Variants in THSD7B observed in about 807,000 individuals in gnomAD.
THSD7B encodes thrombospondin type-1 domain-containing protein 7B.
In THSD7B, 138 loss-of-function variants were observed where a neutral mutation model predicts 213.6. That is an observed-to-expected ratio of 0.65 (90% CI 0.56 to 0.74). The LOEUF is 0.74. THSD7B is among the 30% of genes least tolerant of loss of function. The probability of loss-of-function intolerance (pLI) is 0.00; values close to 1 mark genes in which losing one functional copy is unlikely to be tolerated. For missense variants in THSD7B, 1,931 were observed against 1,991.5 expected (o/e 0.97, Z 0.58); for synonymous variants, 742 against 687.0 (o/e 1.08, Z -1.25).
chr2:137,101,681 T>G (rs2104925395), intron 4 of THSD7B, among the ~76,000 whole-genome samples: 1 of 152,266 alleles, frequency 6.6e-6, no homozygotes, highest in East Asian at 1.9e-4. Flanking sequence ...GAAGTCGACC[T>G]GGGATGCTCA....
chr2:137,485,459 G>A (rs1178795176), intron 15 of THSD7B, among the ~76,000 whole-genome samples: 1 of 152,152 alleles, frequency 6.6e-6, no homozygotes, highest in African/African-American at 2.4e-5. Context: ...GTATCATGAT[G>A]CCTCCAGCTT....
intron 16 of THSD7B, among the ~76,000 whole-genome samples, chr2:137,571,529 T>C (rs557001901): frequency 7.9e-5 from 12 of 152,198 alleles, no homozygotes; most frequent in Non-Finnish European, 1.6e-4. Context: ...AAACAGATTA[T>C]GCTCCCACCA....
chr2:136,962,930 T>C (rs1470612903), intron 2 of THSD7B, among the ~76,000 whole-genome samples: 1 of 152,234 alleles, frequency 6.6e-6, no homozygotes, highest in Non-Finnish European at 1.5e-5. Flanking sequence ...GATTTTAGAA[T>C]ACTTGTGTTT....
intron 10 of THSD7B, among the ~76,000 whole-genome samples, chr2:137,246,530 C>T (rs1326762044): frequency 6.6e-6 from 1 of 152,132 alleles, no homozygotes; most frequent in Non-Finnish European, 1.5e-5. Context: ...TTTGTCCCGG[C>T]TTGATTCAAG....
At chr2:136,841,381 G>A (rs1308255862) in intron 1 of THSD7B, among the ~76,000 whole-genome samples, 2 of 151,892 alleles carry the variant, frequency 1.3e-5, no homozygotes, top group African/African-American at 4.8e-5. Context: ...GGATCACAAT[G>A]TCAAGAGATT....
At chr2:137,381,671 T>C (rs978455829) in intron 12 of THSD7B, among the ~76,000 whole-genome samples, 3 of 152,116 alleles carry the variant, frequency 2.0e-5, no homozygotes, top group African/African-American at 4.8e-5. Flanking sequence ...CAGATGCAGA[T>C]AGATTTGATT....
intron 1 of THSD7B, among the ~76,000 whole-genome samples, chr2:136,820,560 G>C (rs1682550997): frequency 6.6e-6 from 1 of 152,146 alleles, no homozygotes; most frequent in African/African-American, 2.4e-5. Flanking sequence ...GAAAAAGAAA[G>C]GCTGAGGAAG....
At chr2:137,051,230 C>T (rs1414052427) in intron 2 of THSD7B, among the ~76,000 whole-genome samples, 1 of 152,198 alleles carries the variant, frequency 6.6e-6, no homozygotes, top group Non-Finnish European at 1.5e-5. Context: ...ACACTTAGTG[C>T]ACAGCATTAA....
chr2:136,805,070 C>G (rs1342934838), intron 1 of THSD7B, among the ~76,000 whole-genome samples: 1 of 152,148 alleles, frequency 6.6e-6, no homozygotes, highest in Non-Finnish European at 1.5e-5. Flanking sequence ...CAGGGCATAG[C>G]TGCTCTTTCT....
intron 7 of THSD7B, among the ~76,000 whole-genome samples, chr2:137,205,427 GAC>G (rs1191769740): frequency 1.3e-5 from 2 of 151,992 alleles, no homozygotes; most frequent in Non-Finnish European, 2.9e-5. Context: ...TTCAAATAAA[GAC>G]ACACCATTTG....
intron 2 of THSD7B, among the ~76,000 whole-genome samples, chr2:136,919,110 G>A (rs553047): frequency 0.49 from 75,171 of 151,994 alleles, 19,545 homozygotes; most frequent in Non-Finnish European, 0.58. Context: ...CAAATGATGT[G>A]TTCCTTAAAA....
intron 2 of THSD7B, among the ~76,000 whole-genome samples, chr2:136,996,745 C>T (rs2104820878): frequency 6.6e-6 from 1 of 152,162 alleles, no homozygotes; most frequent in East Asian, 1.9e-4. Context: ...TCATTGGTTA[C>T]CCTTGGAAAC....
intron 1 of THSD7B, among the ~76,000 whole-genome samples, chr2:136,803,190 T>G (rs1682220605): frequency 6.6e-6 from 1 of 152,078 alleles, no homozygotes. Flanking sequence ...TAAGACTGTT[T>G]ATTTGTTCTG....
intron 5 of THSD7B, among the ~76,000 whole-genome samples, chr2:137,137,298 C>T (rs935855562): frequency 6.6e-6 from 1 of 152,150 alleles, no homozygotes; most frequent in African/African-American, 2.4e-5. Flanking sequence ...GTCCTAACCC[C>T]CACCAGAAGC....
At chr2:136,857,518 C>T (rs1305398862) in intron 1 of THSD7B, among the ~76,000 whole-genome samples, 2 of 152,194 alleles carry the variant, frequency 1.3e-5, no homozygotes, top group Non-Finnish European at 2.9e-5. Context: ...TTTAATTTTA[C>T]ATTTGGATCT....
chr2:137,667,919 C>G, intron 27 of THSD7B, 58 bp downstream of exon 27: 1 of 1,390,964 alleles, frequency 7.2e-7, no homozygotes. Context: ...TCATGTTATA[C>G]TTAAAACAAG....
At chr2:137,331,954 G>A (rs781224528) in intron 12 of THSD7B, among the ~76,000 whole-genome samples, 3 of 152,082 alleles carry the variant, frequency 2.0e-5, no homozygotes, top group Non-Finnish European at 2.9e-5. Flanking sequence ...GCCCACAAGC[G>A]CCGCACACAG....
intron 17 of THSD7B, among the ~76,000 whole-genome samples, chr2:137,602,849 TA>T (rs1337999915): frequency 1.3e-5 from 2 of 152,260 alleles, no homozygotes; most frequent in African/African-American, 4.8e-5. Flanking sequence ...GGGGACACAT[TA>T]AAACCATAGC....
intron 14 of THSD7B, among the ~76,000 whole-genome samples, chr2:137,424,507 T>A (rs141427087): frequency 6.8e-4 from 103 of 152,234 alleles, no homozygotes; most frequent in African/African-American, 2.4e-3. Context: ...CCAAATTCAA[T>A]AGCACATTAA....
Sources: gnomAD v4.1 joint callset for allele counts (sites outside exome capture counted in the v4.1 genomes callset) on GRCh38, gnomAD v4.1.1 for gene constraint, MANE v1.5 for transcripts, NCBI Gene and HGNC (gene_info 2026-07-23, HGNC 2026-07-21) for gene names.